The following PTPRD variants were observed in gnomAD, a reference collection of about 807,000 sequenced individuals.
PTPRD encodes receptor-type tyrosine-protein phosphatase delta.
In PTPRD, 34 loss-of-function variants were observed where a neutral mutation model predicts 214.5. The observed-to-expected ratio is 0.16, with a 90% CI of 0.12 to 0.21. The LOEUF (loss-of-function observed/expected upper bound fraction) is 0.21. Among genes scored for constraint, PTPRD ranks in the 10% least tolerant of loss-of-function variants. The pLI is 1.00. For missense variants in PTPRD, 2,545 were observed against 2,398.7 expected (o/e 1.06, Z -1.27); for synonymous variants, 1,128 against 845.7 (o/e 1.33, Z -5.79).
chr9:9,748,404 G>T (rs374995873), intron 6 of PTPRD, among the ~76,000 whole-genome samples: 1 of 152,248 alleles, frequency 6.6e-6, no homozygotes, highest in South Asian at 2.1e-4. Context: ...ATGAGCTATT[G>T]CTACGTGCAT....
intron 14 of PTPRD, among the ~76,000 whole-genome samples, chr9:8,536,148 C>A (rs1008358085): frequency 4.6e-5 from 7 of 151,798 alleles, no homozygotes; most frequent in African/African-American, 1.7e-4. Flanking sequence ...GAAAGTCTTT[C>A]AGCTCTAGAT....
At position 9,920,724 on chromosome 9, in the gene PTPRD, C is replaced by A. The variant is rs78699208; in HGVS notation, c.-368+17783G>T. On this transcript the variant is annotated intron_variant, in intron 5 of 45. Transcript: ENST00000381196. ...GCCTCTTTAGAAAGGAGGGCTATAG[C>A]CTGTCGATAACTAAATTTATTCCTG... Among the ~76,000 whole-genome samples, 393 of 152,152 alleles carry A rather than the reference C, an allele frequency of 2.6e-3. 3 individuals carry two copies. The highest frequency in any genetic ancestry group is 8.8e-3 in the African/African-American group (364 of 41,532).
chr9:9,749,929 C>T (rs1223545516), intron 6 of PTPRD, among the ~76,000 whole-genome samples: 12 of 152,196 alleles, frequency 7.9e-5, no homozygotes, highest in Non-Finnish European at 1.6e-4. Context: ...TTTTCACTGC[C>T]TATATAAAAT....
intron 25 of PTPRD, 70 bp downstream of exon 25, chr9:8,499,577 G>C (rs2097349994): frequency 1.3e-6 from 2 of 1,491,394 alleles, no homozygotes; most frequent in Non-Finnish European, 1.8e-6. Context: ...TAAAATAAGA[G>C]CAATTTCAGG....
chr9:9,551,412 C>A (rs1263052766), intron 8 of PTPRD, among the ~76,000 whole-genome samples: 1 of 151,838 alleles, frequency 6.6e-6, no homozygotes, highest in Non-Finnish European at 1.5e-5. Context: ...TAGTACTAGG[C>A]AACATTGATT....
intron 3 of PTPRD, among the ~76,000 whole-genome samples, chr9:10,267,650 G>A (rs1259500617): frequency 5.3e-5 from 8 of 152,082 alleles, no homozygotes; most frequent in Non-Finnish European, 7.4e-5. Context: ...AAACATTTTG[G>A]CATGTCTTAC....
intron 33 of PTPRD, among the ~76,000 whole-genome samples, chr9:8,450,563 G>C (rs1379089208): frequency 1.3e-5 from 2 of 152,164 alleles, no homozygotes; most frequent in African/African-American, 4.8e-5. Context: ...CAGCGCTCCT[G>C]ATAATCATTC....
intron 7 of PTPRD, among the ~76,000 whole-genome samples, chr9:9,577,970 C>A (rs553853918): frequency 1.5e-5 from 2 of 134,806 alleles, no homozygotes; most frequent in South Asian, 4.8e-4. Flanking sequence ...AGCTTGAACC[C>A]AGGAGGCAGA....
intron 2 of PTPRD, among the ~76,000 whole-genome samples, chr9:10,426,291 T>C (rs775095367): frequency 3.3e-5 from 5 of 152,034 alleles, no homozygotes; most frequent in Non-Finnish European, 5.9e-5. Flanking sequence ...ATTTCATGAG[T>C]ATTGTCATTG....
intron 11 of PTPRD, among the ~76,000 whole-genome samples, chr9:8,906,556 ACAT>A (rs1403320720): frequency 6.6e-6 from 1 of 152,194 alleles, no homozygotes; most frequent in Non-Finnish European, 1.5e-5. Flanking sequence ...AAAAATTAAG[ACAT>A]CATCCTATAC....
At chr9:10,360,408 T>C (rs2097356651) in intron 2 of PTPRD, among the ~76,000 whole-genome samples, 1 of 152,278 alleles carries the variant, frequency 6.6e-6, no homozygotes, top group Admixed American at 6.5e-5. Flanking sequence ...CTAGCCATTC[T>C]GCAGGGCATG....
chr9:10,322,266 G>T (rs1252630812), intron 3 of PTPRD, among the ~76,000 whole-genome samples: 1 of 151,950 alleles, frequency 6.6e-6, no homozygotes, highest in Non-Finnish European at 1.5e-5. Context: ...TGCAGTGTTG[G>T]CACATCTTAA....
At chr9:9,430,490 T>C (rs546072170) in intron 8 of PTPRD, among the ~76,000 whole-genome samples, 1 of 152,138 alleles carries the variant, frequency 6.6e-6, no homozygotes, top group Non-Finnish European at 1.5e-5. Context: ...AAGTAATTTA[T>C]AGATTCAATG....
chr9:8,761,906 G>C (rs2094438395), intron 11 of PTPRD, among the ~76,000 whole-genome samples: 1 of 152,102 alleles, frequency 6.6e-6, no homozygotes, highest in African/African-American at 2.4e-5. Flanking sequence ...CTTATCCCTA[G>C]CTTCTCTGGT....
chr9:9,785,730 TATTA>T (rs763998639), intron 5 of PTPRD, among the ~76,000 whole-genome samples: 6 of 152,122 alleles, frequency 3.9e-5, no homozygotes, highest in Non-Finnish European at 5.9e-5. Flanking sequence ...TAATGTCTCA[TATTA>T]ATTAATATTA....
intron 11 of PTPRD, among the ~76,000 whole-genome samples, chr9:8,749,394 G>A (rs189292387): frequency 6.6e-6 from 1 of 152,138 alleles, no homozygotes; most frequent in African/African-American, 2.4e-5. Context: ...CACCACATTG[G>A]CCAGGCTGGT....
At chr9:8,360,043 G>A (rs1477227136) in intron 39 of PTPRD, among the ~76,000 whole-genome samples, 3 of 152,138 alleles carry the variant, frequency 2.0e-5, no homozygotes, top group Admixed American at 6.5e-5. Flanking sequence ...GTGTCATCAT[G>A]TTTATTCCAA....
chr9:10,429,661 T>A (rs1210550256), intron 2 of PTPRD, among the ~76,000 whole-genome samples: 1 of 150,640 alleles, frequency 6.6e-6, no homozygotes, highest in Non-Finnish European at 1.5e-5. Flanking sequence ...AGATAATATA[T>A]AGATATATAT....
At chr9:8,869,678 C>G (rs1454074784) in intron 11 of PTPRD, among the ~76,000 whole-genome samples, 1 of 150,938 alleles carries the variant, frequency 6.6e-6, no homozygotes, top group African/African-American at 2.4e-5. Flanking sequence ...TCCTAAGAAG[C>G]TAGCGGCCTT....
Sources: gnomAD v4.1 joint callset for allele counts (sites outside exome capture counted in the v4.1 genomes callset) on GRCh38, gnomAD v4.1.1 for gene constraint, MANE v1.5 for transcripts, NCBI Gene and HGNC (gene_info 2026-07-23, HGNC 2026-07-21) for gene names.